Variants in ROCK2 observed in about 807,000 individuals in gnomAD.
ROCK2 encodes Rho associated coiled-coil containing protein kinase 2, also known as rho-associated protein kinase 2.
ROCK2 carries 61 observed loss-of-function variants against 195.1 expected under a neutral mutation model. The ratio of observed to expected loss-of-function variants is 0.31; its 90% CI spans 0.25 to 0.39. The LOEUF is 0.39. Ranked by LOEUF, ROCK2 falls within the 10% of genes least tolerant of loss-of-function variation. ROCK2 has a pLI of 1.00. For synonymous variants in ROCK2, 504 were observed against 545.5 expected (o/e 0.92, Z 1.06); for missense variants, 1,109 against 1,637.4 (o/e 0.68, Z 5.57).
intron 19 of ROCK2, 93 bp from the exon 20 acceptor site, chr2:11,208,003 AT>A: frequency 5.3e-6 from 5 of 949,508 alleles, no homozygotes; most frequent in African/African-American, 1.7e-5. Context: ...TGTAAAACAG[AT>A]TTTTTTACCC....
At chr2:11,276,618 G>T (rs1489987513) in intron 3 of ROCK2, among the ~76,000 whole-genome samples, 1 of 152,112 alleles carries the variant, frequency 6.6e-6, no homozygotes, top group African/African-American at 2.4e-5. Flanking sequence ...TGCAAACCCT[G>T]TAACTCCAAT....
rs570473970 is a variant in ROCK2 at position 11,339,177 on chromosome 2, T to C, written c.141+4819A>G. On this transcript the variant is annotated intron_variant, in intron 1 of 32. Transcript: ENST00000315872. ...TTAATTAAATACATACTGAAGTGTT[T>C]GAAGGTGAAGTATACTAATATCTCC... 2.3e-4 allele frequency among the ~76,000 whole-genome samples: 35 copies of C among 152,292 alleles called. 1 individual carries two copies. In the South Asian group the frequency reaches 7.0e-3, roughly 31 times the overall value.
Position 11,319,366 on chromosome 2 carries a change from A to T in ROCK2, c.141+24630T>A, listed in dbSNP as rs1572403289. ...TAGGTATTTTATTCTCTTTGAAGCA[A>T]TTGTGAATGGGAATTCACTCATGAT... On this transcript the variant is annotated intron_variant, in intron 1 of 32. Transcript: ENST00000315872. 2.0e-5 allele frequency among the ~76,000 whole-genome samples: 3 copies of T among 152,298 alleles called. No homozygotes were observed. In the South Asian group the frequency reaches 6.2e-4, roughly 32 times the overall value.
intron 1 of ROCK2, among the ~76,000 whole-genome samples, chr2:11,319,700 C>T (rs1295369299): frequency 6.6e-6 from 1 of 152,062 alleles, no homozygotes; most frequent in Non-Finnish European, 1.5e-5. Flanking sequence ...GGAATGCTTC[C>T]AGTTTTTGCC....
rs1665295228 is a variant in ROCK2 at position 11,238,247 on chromosome 2, G to GTGTGTCTGT, written c.463-2286_463-2285insACAGACACA. Among the ~76,000 whole-genome samples, 3 of 138,108 alleles carry GTGTGTCTGT rather than the reference G, an allele frequency of 2.2e-5. No individual in the cohort carries two copies. In the Admixed American group the frequency reaches 2.2e-4, roughly 10 times the overall value. 90.6% of individuals were successfully genotyped at this position (138,108 alleles called of 152,430 possible). ...GTGTGTGTGTGTGTGTGTGTCTGTT[G>GTGTGTCTGT]TGTGTGTCAGTGTACAACATGTTTA... is the stretch of plus-strand genomic sequence containing the variant. On this transcript the variant is annotated intron_variant, in intron 4 of 32. Transcript: ENST00000315872.
Position 11,296,005 on chromosome 2 carries a change from G to GGGGAGAGGGGGAGACAGA in ROCK2, c.142-8270_142-8269insTCTGTCTCCCCCTCTCCC, listed in dbSNP as rs766082679. Among the ~76,000 whole-genome samples, 4 of 10,342 alleles carry GGGGAGAGGGGGAGACAGA rather than the reference G, an allele frequency of 3.9e-4. 1 individual carries two copies. The South Asian group carries it at 0.026, about 67-fold the overall frequency. 6.8% of individuals were successfully genotyped at this position (10,342 alleles called of 152,430 possible). On this transcript the variant is annotated intron_variant, in intron 1 of 32. Coordinates refer to ENST00000315872, the MANE Select transcript of ROCK2 (RefSeq NM_004850.5). ...GAGAGAGAGAGGAGAGAGAGAGAGAGGAGAGAGAGAGAGAGAGAGAGAGAG... is the reference window on the plus strand; with the variant it reads ...GAGAGAGAGAGGAGAGAGAGAGAGAGGGGAGAGGGGGAGACAGAGAGAGAGAGAGAGAGAGAGAGAGAG...
At position 11,201,150 on chromosome 2, in the gene ROCK2, T is replaced by G. The variant is rs907645625; in HGVS notation, c.2724-7A>C. On this transcript the variant is annotated splice_polypyrimidine_tract_variant and splice_region_variant and intron_variant, in intron 22 of 32. Transcript: ENST00000315872. The surrounding 1 kb of genome is among the most constrained non-coding windows in gnomAD (Gnocchi z 4.6). ...TTGGGCAGCCAAAGAGTCCCTACAT[T>G]TTAGCAATATATCATTTTAATGGTT... 2 of 1,593,904 alleles carry G rather than the reference T, an allele frequency of 1.3e-6. No homozygotes were observed. Among genetic ancestry groups the G allele is most frequent in the Non-Finnish European group, 1.7e-6 (2 of 1,172,392 alleles).
chr2:11,280,241 A>C (rs1447802975), intron 3 of ROCK2, among the ~76,000 whole-genome samples: 3 of 152,148 alleles, frequency 2.0e-5, no homozygotes, highest in African/African-American at 7.2e-5. Flanking sequence ...ATAAGGCTCT[A>C]GCCAGGTTGG....
intron 5 of ROCK2, among the ~76,000 whole-genome samples, chr2:11,230,938 C>G (rs1664985789): frequency 1.3e-5 from 2 of 152,036 alleles, no homozygotes; most frequent in African/African-American, 4.8e-5. Flanking sequence ...TCAGTAAATT[C>G]AGTGTTTTCA....
intron 3 of ROCK2, among the ~76,000 whole-genome samples, chr2:11,266,110 C>T (rs1666405324): frequency 1.3e-5 from 2 of 152,206 alleles, no homozygotes; most frequent in South Asian, 4.1e-4. Flanking sequence ...CATCTTGTCC[C>T]ACTAAAAGGT....
At chr2:11,313,612 T>C (rs568441091) in intron 1 of ROCK2, among the ~76,000 whole-genome samples, 1 of 152,046 alleles carries the variant, frequency 6.6e-6, no homozygotes, top group East Asian at 1.9e-4. Flanking sequence ...TTTTGGGGCA[T>C]ATGGTTTTCC....
intron 1 of ROCK2, among the ~76,000 whole-genome samples, chr2:11,317,590 ATATATATATATATATATATATATTTTT>A (rs1167374813): frequency 5.9e-4 from 8 of 13,482 alleles, no homozygotes; most frequent in Admixed American, 3.8e-3. Flanking sequence ...ATATATATAT[ATATATATATATATATATATATATTTTT>A]TTTTTTTTTT....
At chr2:11,183,978 C>CT (rs1454328834) in intron 32 of ROCK2, among the ~76,000 whole-genome samples, 1 of 142,136 alleles carries the variant, frequency 7.0e-6, no homozygotes, top group Non-Finnish European at 1.6e-5. Context: ...CTTACTTAGA[C>CT]TAAAACACAC....
upstream of ROCK2, among the ~76,000 whole-genome samples, chr2:11,345,334 T>C (rs924355748): frequency 2.0e-5 from 3 of 151,910 alleles, no homozygotes; most frequent in Non-Finnish European, 4.4e-5. Context: ...CTTCGCGGGG[T>C]CTTCTCCTTT....
intron 3 of ROCK2, among the ~76,000 whole-genome samples, chr2:11,267,701 CTT>C (rs34065184): frequency 0.37 from 47,713 of 129,764 alleles, 9,421 homozygotes; most frequent in Admixed American, 0.49. Flanking sequence ...ATCAATACGC[CTT>C]TTTTTTTTTT....
chr2:11,224,227 C>T (rs568673230), intron 7 of ROCK2, 95 bp downstream of exon 7: 1 of 1,197,842 alleles, frequency 8.3e-7, no homozygotes, highest in Non-Finnish European at 1.2e-6. Context: ...TAATGAGAGG[C>T]AGACTGATTT....
rs754639741 is a variant in ROCK2 at position 11,214,478 on chromosome 2, G to GT, written c.1937-16dup. 6.2e-6 allele frequency: 9 copies of GT among 1,446,956 alleles called. No individual in the cohort carries two copies. Among genetic ancestry groups the GT allele is most frequent in the African/African-American group, 2.8e-5 (2 of 70,676 alleles). 89.6% of individuals were successfully genotyped at this position (1,446,956 alleles called of 1,614,324 possible). A position where few individuals can be genotyped will look rare whatever the true frequency, so the allele number is the denominator to read the frequency against. ...ACATATTCTACCTAAAAATTGCAACGTTTTTTTAAAACATTAAACCCACAA... is the reference window on the plus strand; with the variant it reads ...ACATATTCTACCTAAAAATTGCAACGTTTTTTTTAAAACATTAAACCCACAA... On this transcript the variant is annotated splice_polypyrimidine_tract_variant and intron_variant, in intron 16 of 32. Coordinates refer to ENST00000315872, the MANE Select transcript of ROCK2 (RefSeq NM_004850.5).
chr2:11,210,497 C>T (rs969608639), intron 18 of ROCK2, among the ~76,000 whole-genome samples: 2 of 151,960 alleles, frequency 1.3e-5, no homozygotes, highest in Non-Finnish European at 2.9e-5. Context: ...CACGCGACTA[C>T]ATCCAGCTAA....
At chr2:11,218,848 G>C (rs1056261290) in intron 10 of ROCK2, 118 bp downstream of exon 10, 2 of 574,630 alleles carry the variant, frequency 3.5e-6, no homozygotes, top group African/African-American at 3.7e-5. Context: ...TATTACACAA[G>C]GAATGCCATC....
Sources: allele counts gnomAD v4.1 joint callset (sites outside exome capture counted in the v4.1 genomes callset), GRCh38; gene constraint gnomAD v4.1.1; non-coding constraint Gnocchi (gnomAD v3.1); transcripts MANE v1.5; gene names NCBI Gene and HGNC (gene_info 2026-07-23, HGNC 2026-07-21).